The following TAFA1 variants were observed in gnomAD, a reference collection of about 807,000 sequenced individuals.
The protein encoded by TAFA1 is TAFA chemokine like family member 1.
Under a neutral mutation model 18.5 loss-of-function variants are expected in TAFA1, and 4 were observed. That is an observed-to-expected ratio of 0.22 (90% confidence interval 0.11 to 0.49). TAFA1 has a LOEUF of 0.49. Among genes scored for constraint, TAFA1 ranks in the 20% least tolerant of loss-of-function variants. The pLI is 0.98. For missense variants in TAFA1, 147 were observed against 169.0 expected (o/e 0.87, Z 0.72); for synonymous variants, 56 against 55.2 (o/e 1.01, Z -0.06).
chr3:68,266,517 C>T (rs761029712), intron 2 of TAFA1, among the ~76,000 whole-genome samples: 59 of 152,176 alleles, frequency 3.9e-4, no homozygotes, highest in Non-Finnish European at 7.1e-4. Context: ...CAAACAGAAA[C>T]TCGTTTGATC....
intron 3 of TAFA1, among the ~76,000 whole-genome samples, chr3:68,426,924 C>T (rs6549126): frequency 0.74 from 111,788 of 151,686 alleles, 41,266 homozygotes; most frequent in African/African-American, 0.79. Flanking sequence ...GAAAACTATA[C>T]ATAAAATTAG....
intron 2 of TAFA1, among the ~76,000 whole-genome samples, chr3:68,167,951 T>C (rs1419309840): frequency 6.6e-6 from 1 of 152,132 alleles, no homozygotes; most frequent in Non-Finnish European, 1.5e-5. Context: ...CACGTGTTTT[T>C]TTAAGAATCT....
Position 68,538,649 on chromosome 3 carries a change from G to T in TAFA1, c.260-107G>T, listed in dbSNP as rs535883107. ...TTAGCTAGTCATGGAGGATTAAAGAGAACTTAGTGTGCTTCCAAGAACGTG... is the reference window on the plus strand; with the variant it reads ...TTAGCTAGTCATGGAGGATTAAAGATAACTTAGTGTGCTTCCAAGAACGTG... On this transcript the variant is annotated intron_variant, in intron 3 of 4. Coordinates refer to ENST00000478136, the MANE Select transcript of TAFA1 (RefSeq NM_213609.4). The T allele has an allele frequency of 4.6e-6, 5 of 1,098,104 alleles. No individual in the cohort carries two copies. In the South Asian group the frequency reaches 7.3e-5, roughly 16 times the overall value. 68.0% of individuals were successfully genotyped at this position (1,098,104 alleles called of 1,614,324 possible). A position where few individuals can be genotyped will look rare whatever the true frequency, so the allele number is the denominator to read the frequency against.
intron 2 of TAFA1, among the ~76,000 whole-genome samples, chr3:68,031,766 G>A (rs1292802029): frequency 2.0e-5 from 3 of 152,066 alleles, no homozygotes; most frequent in African/African-American, 7.2e-5. Context: ...AAATAACCCA[G>A]ACATACACTA....
intron 2 of TAFA1, among the ~76,000 whole-genome samples, chr3:68,178,858 G>A (rs2066159956): frequency 6.6e-6 from 1 of 152,222 alleles, no homozygotes; most frequent in Non-Finnish European, 1.5e-5. Flanking sequence ...GTTTAAGGAG[G>A]TGCTTCCAGC....
intron 2 of TAFA1, chr3:68,145,388 A>C (rs1189510530): frequency 2.4e-6 from 2 of 836,196 alleles, no homozygotes; most frequent in Non-Finnish European, 4.3e-6. Flanking sequence ...TACTTCAATC[A>C]TCACTGATGA....
intron 2 of TAFA1, among the ~76,000 whole-genome samples, chr3:68,299,552 G>A (rs1461042169): frequency 1.3e-5 from 2 of 152,216 alleles, no homozygotes; most frequent in Non-Finnish European, 2.9e-5. Context: ...ATTTTCTGAG[G>A]AGAAATTCAA....
At chr3:68,006,879 T>C in intron 2 of TAFA1, 135 bp downstream of exon 2, 1 of 655,814 alleles carries the variant, frequency 1.5e-6, no homozygotes, top group Admixed American at 2.4e-5. Context: ...TATTGTTGGC[T>C]GGATGCTTTG....
chr3:68,059,287 C>CA (rs2064573364), intron 2 of TAFA1, among the ~76,000 whole-genome samples: 3 of 151,756 alleles, frequency 2.0e-5, no homozygotes, highest in Non-Finnish European at 4.4e-5. Flanking sequence ...CACACACACA[C>CA]CAGAAATGTT....
chr3:68,211,962 G>A (rs1370708198), intron 2 of TAFA1, among the ~76,000 whole-genome samples: 1 of 152,028 alleles, frequency 6.6e-6, no homozygotes, highest in Non-Finnish European at 1.5e-5. Flanking sequence ...ATTAGGCTTG[G>A]AGGGTCAAAT....
At chr3:68,427,286 G>A (rs1371344469) in intron 3 of TAFA1, among the ~76,000 whole-genome samples, 1 of 151,862 alleles carries the variant, frequency 6.6e-6, no homozygotes, top group Non-Finnish European at 1.5e-5. Context: ...TGGGAAAAAT[G>A]TTGTTCTAAA....
intron 2 of TAFA1, among the ~76,000 whole-genome samples, chr3:68,217,891 A>G (rs751293610): frequency 5.0e-4 from 76 of 151,346 alleles, no homozygotes; most frequent in Non-Finnish European, 9.3e-4. Flanking sequence ...GTTAGATTTT[A>G]TTATCATCAT....
chr3:68,067,562 T>C (rs2064696173), intron 2 of TAFA1, among the ~76,000 whole-genome samples: 1 of 152,228 alleles, frequency 6.6e-6, no homozygotes, highest in South Asian at 2.1e-4. Flanking sequence ...CTGCACATGG[T>C]AGGCATTTAC....
chr3:68,181,602 C>G lies in TAFA1; in HGVS notation c.118+174858C>G, dbSNP rs185216011. Reference sequence around the variant, plus strand: ...TTTTTTATGCACTGTTTAGATTTATCTTTTAAAAATTCCCTTCATATGTGG... The same window carrying G: ...TTTTTTATGCACTGTTTAGATTTATGTTTTAAAAATTCCCTTCATATGTGG... On this transcript the variant is annotated intron_variant, in intron 2 of 4. Transcript: ENST00000478136. 3.9e-5 allele frequency among the ~76,000 whole-genome samples: 6 copies of G among 152,216 alleles called. No individual in the cohort carries two copies. The East Asian group carries it at 1.2e-3, about 29-fold the overall frequency.
intron 3 of TAFA1, among the ~76,000 whole-genome samples, chr3:68,486,216 T>G (rs1472152686): frequency 6.6e-6 from 1 of 151,856 alleles, no homozygotes. Flanking sequence ...ATCCTCAGCC[T>G]CCCAAAGTGC....
the TAFA1 span, among the ~76,000 whole-genome samples, chr3:67,995,056 C>T: frequency 6.6e-6 from 1 of 151,790 alleles, no homozygotes; most frequent in Admixed American, 6.6e-5. Context: ...GAAAAAAAAA[C>T]AAATTAATGA....
intron 2 of TAFA1, among the ~76,000 whole-genome samples, chr3:68,266,538 T>C (rs1471492252): frequency 6.6e-6 from 1 of 152,178 alleles, no homozygotes; most frequent in Non-Finnish European, 1.5e-5. Context: ...TTTATACCTT[T>C]CTGGAAGATA....
In TAFA1 at chr3:68,388,659, G is replaced by A. The variant is rs751552442; in HGVS notation, c.119-28621G>A. On this transcript the variant is annotated intron_variant, in intron 2 of 4. Transcript: ENST00000478136. Reference sequence around the variant, plus strand: ...GGAGTGCTAACAGGATCTTTGTTTTGTCATACGCTTTCGGCCTATATTCCA... The same window carrying A: ...GGAGTGCTAACAGGATCTTTGTTTTATCATACGCTTTCGGCCTATATTCCA... Among the ~76,000 whole-genome samples the A allele has an allele frequency of 4.6e-5, 7 of 151,798 alleles. No individual in the cohort carries two copies. In the East Asian group the frequency reaches 1.4e-3, roughly 29 times the overall value.
Position 68,072,947 on chromosome 3 carries a change from T to C in TAFA1, c.118+66203T>C, listed in dbSNP as rs560948592. Among the ~76,000 whole-genome samples, 9 of 152,298 alleles carry C rather than the reference T, an allele frequency of 5.9e-5. No homozygotes were observed. In the South Asian group the frequency reaches 1.0e-3, roughly 18 times the overall value. On this transcript the variant is annotated intron_variant, in intron 2 of 4. Transcript: ENST00000478136. ...GGTTCTTGTAGTCTTCAGCATTAAT[T>C]AGTTTGTTAGAATACAAAGAACTCC...
Sources: gnomAD v4.1 joint callset for allele counts (sites outside exome capture counted in the v4.1 genomes callset) on GRCh38, gnomAD v4.1.1 for gene constraint, MANE v1.5 for transcripts, NCBI Gene and HGNC (gene_info 2026-07-23, HGNC 2026-07-21) for gene names.